FMNL2: variants seen among roughly 807,000 people sequenced by gnomAD.
The protein encoded by FMNL2 is formin like 2.
A neutral mutation model predicts 130.2 loss-of-function variants in FMNL2; 51 were observed. That is an observed-to-expected ratio of 0.39 (90% CI 0.31 to 0.49). The LOEUF (loss-of-function observed/expected upper bound fraction) is 0.49, where lower values mean the gene tolerates loss of function less well. FMNL2 is among the 20% of genes least tolerant of loss of function. FMNL2 has a pLI of 0.85. For missense variants in FMNL2, 977 were observed against 1,316.2 expected (o/e 0.74, Z 3.99); for synonymous variants, 465 against 467.1 (o/e 1.00, Z 0.06).
intron 4 of FMNL2, among the ~76,000 whole-genome samples, chr2:152,553,010 G>A (rs1437987761): frequency 1.3e-5 from 2 of 152,164 alleles, no homozygotes; most frequent in Non-Finnish European, 2.9e-5. Context: ...TTCTCATTGT[G>A]GTGTAGAGAG....
chr2:152,361,155 C>T (rs942038344), intron 1 of FMNL2, among the ~76,000 whole-genome samples: 3 of 152,086 alleles, frequency 2.0e-5, no homozygotes, highest in Non-Finnish European at 2.9e-5. Context: ...GAAAGTACTA[C>T]ATTTGTAAAA....
intron 1 of FMNL2, among the ~76,000 whole-genome samples, chr2:152,507,763 G>A (rs535129606): frequency 1.6e-4 from 25 of 151,962 alleles, no homozygotes; most frequent in African/African-American, 4.6e-4. Context: ...TTTGTGTTTC[G>A]TGGTGGTCCT....
intron 12 of FMNL2, among the ~76,000 whole-genome samples, chr2:152,615,875 T>G (rs1465643025): frequency 6.6e-6 from 1 of 152,226 alleles, no homozygotes; most frequent in Non-Finnish European, 1.5e-5. Context: ...ATGCTCAGTT[T>G]CCTTCACCTT....
intron 6 of FMNL2, among the ~76,000 whole-genome samples, chr2:152,563,993 CTGCTCTCCATGTTATAATA>C (rs1173810661): frequency 2.0e-5 from 3 of 152,202 alleles, no homozygotes; most frequent in African/African-American, 7.2e-5. Context: ...GGCAATCCGA[CTGCTCTCCATGTTATAATA>C]TGATAACCTT....
At chr2:152,484,294 A>C (rs1040945328) in intron 1 of FMNL2, among the ~76,000 whole-genome samples, 2 of 152,198 alleles carry the variant, frequency 1.3e-5, no homozygotes, top group African/African-American at 4.8e-5. Context: ...TCTTGCTTAC[A>C]TAATTTAAAA....
At chr2:152,547,769 G>A (rs72868235) in intron 3 of FMNL2, among the ~76,000 whole-genome samples, 4 of 152,112 alleles carry the variant, frequency 2.6e-5, no homozygotes, top group Admixed American at 2.6e-4. Flanking sequence ...GAGGAGAGAG[G>A]TCCTTTATAT....
chr2:152,476,876 C>T (rs1690180266), intron 1 of FMNL2, among the ~76,000 whole-genome samples: 1 of 152,072 alleles, frequency 6.6e-6, no homozygotes, highest in South Asian at 2.1e-4. Flanking sequence ...GTTCTCAAAT[C>T]TGAGAAATAG....
At chr2:152,427,312 T>C (rs1273193900) in intron 1 of FMNL2, among the ~76,000 whole-genome samples, 1 of 152,098 alleles carries the variant, frequency 6.6e-6, no homozygotes, top group East Asian at 1.9e-4. Context: ...TTTGGGAGGC[T>C]GAGATGGGTG....
intron 1 of FMNL2, among the ~76,000 whole-genome samples, chr2:152,348,928 G>A (rs1341958633): frequency 8.8e-5 from 11 of 125,312 alleles, no homozygotes; most frequent in South Asian, 2.6e-4. Context: ...TCCGCTTCCC[G>A]GGTTCACGCC....
At chr2:152,457,059 T>C (rs1007947387) in intron 1 of FMNL2, among the ~76,000 whole-genome samples, 5 of 152,168 alleles carry the variant, frequency 3.3e-5, no homozygotes, top group Non-Finnish European at 7.4e-5. Context: ...TAGCTTTTAG[T>C]GCCCGAAGAA....
At chr2:152,531,887 TC>T (rs1434961600) in intron 2 of FMNL2, among the ~76,000 whole-genome samples, 1 of 152,164 alleles carries the variant, frequency 6.6e-6, no homozygotes, top group African/African-American at 2.4e-5. Context: ...TATTTATATA[TC>T]TAGGAGAATG....
intron 4 of FMNL2, among the ~76,000 whole-genome samples, chr2:152,550,594 C>T (rs1436844440): frequency 6.6e-6 from 1 of 152,220 alleles, no homozygotes; most frequent in East Asian, 1.9e-4. Context: ...CTTATGCTGG[C>T]AGCCGTTTCC....
chr2:152,390,031 A>G (rs1308295749), intron 1 of FMNL2: 3 of 1,580,050 alleles, frequency 1.9e-6, no homozygotes, highest in Non-Finnish European at 2.6e-6. Flanking sequence ...GCAGAGAATC[A>G]TGAGGCCCAG....
intron 1 of FMNL2, chr2:152,389,950 G>C (rs1685009946): frequency 6.5e-6 from 8 of 1,236,048 alleles, no homozygotes; most frequent in Non-Finnish European, 9.4e-6. Context: ...AGCCAAGTCA[G>C]AGACCTCGGG....
chr2:152,381,458 G>T (rs1026291932), intron 1 of FMNL2, among the ~76,000 whole-genome samples: 2 of 152,156 alleles, frequency 1.3e-5, no homozygotes, highest in African/African-American at 2.4e-5. Context: ...GGAGCTTCTT[G>T]TCTGAATATC....
intron 6 of FMNL2, among the ~76,000 whole-genome samples, chr2:152,562,115 TC>T (rs1448237390): frequency 2.0e-5 from 3 of 152,230 alleles, no homozygotes; most frequent in African/African-American, 7.2e-5. Flanking sequence ...TAAATCAAAC[TC>T]CTGCCTATGA....
intron 10 of FMNL2, among the ~76,000 whole-genome samples, chr2:152,610,839 GT>G (rs1440677891): frequency 1.3e-5 from 2 of 152,228 alleles, no homozygotes; most frequent in African/African-American, 2.4e-5. Flanking sequence ...ATAATGCTGT[GT>G]TTATCATTTT....
chr2:152,394,910 C>G (rs189843530), intron 1 of FMNL2, among the ~76,000 whole-genome samples: 3 of 152,106 alleles, frequency 2.0e-5, no homozygotes, highest in African/African-American at 7.2e-5. Flanking sequence ...ATTACAAAAC[C>G]AAATTTGCAG....
chr2:152,453,753 A>T (rs1688788267), intron 1 of FMNL2, among the ~76,000 whole-genome samples: 1 of 152,246 alleles, frequency 6.6e-6, no homozygotes, highest in South Asian at 2.1e-4. Context: ...GCGAGGGCAC[A>T]GCCATTATAA....
Sources: allele counts gnomAD v4.1 joint callset (sites outside exome capture counted in the v4.1 genomes callset), GRCh38; gene constraint gnomAD v4.1.1; transcripts MANE v1.5; gene names NCBI Gene and HGNC (gene_info 2026-07-23, HGNC 2026-07-21).